Variants in PCLO observed in about 807,000 individuals in gnomAD.
The protein encoded by PCLO is piccolo presynaptic cytomatrix protein.
In PCLO, 82 loss-of-function variants were observed where a neutral mutation model predicts 427.5. The ratio of observed to expected loss-of-function variants is 0.19; its 90% CI spans 0.16 to 0.23. The LOEUF (loss-of-function observed/expected upper bound fraction) is 0.23. PCLO is among the 10% of genes least tolerant of loss of function. The pLI is 1.00. For missense variants in PCLO, 6,239 were observed against 6,115.9 expected (o/e 1.02, Z -0.67); for synonymous variants, 2,357 against 2,155.4 (o/e 1.09, Z -2.59).
At chr7:83,023,445 T>C (rs1788395117) in intron 3 of PCLO, among the ~76,000 whole-genome samples, 1 of 152,192 alleles carries the variant, frequency 6.6e-6, no homozygotes, top group Non-Finnish European at 1.5e-5. Flanking sequence ...CCACATACTC[T>C]CCCATCTGAA....
At chr7:82,975,612 C>T (rs561382932) in intron 3 of PCLO, among the ~76,000 whole-genome samples, 1 of 152,256 alleles carries the variant, frequency 6.6e-6, no homozygotes, top group Admixed American at 6.5e-5. Flanking sequence ...AGGGTGTAAA[C>T]TTGTCTAGGT....
chr7:82,800,837 G>A (rs7784031), intron 22 of PCLO, among the ~76,000 whole-genome samples: 52,651 of 151,566 alleles, frequency 0.35, 9,562 homozygotes, highest in African/African-American at 0.42. Flanking sequence ...TGCCCACCTC[G>A]GCCTCCCAAA....
chr7:83,020,296 C>G (rs570831512), intron 3 of PCLO, among the ~76,000 whole-genome samples: 35 of 152,168 alleles, frequency 2.3e-4, no homozygotes, highest in African/African-American at 8.2e-4. Flanking sequence ...GCAGAATTTG[C>G]TGACACTTGA....
At chr7:82,769,112 T>G (rs777797560) in intron 22 of PCLO, among the ~76,000 whole-genome samples, 47 of 152,176 alleles carry the variant, frequency 3.1e-4, no homozygotes, top group Non-Finnish European at 5.0e-4. Context: ...TGAATAAGAT[T>G]GCGAAAACAC....
chr7:82,876,443 C>T (rs1793371546), intron 10 of PCLO, among the ~76,000 whole-genome samples: 2 of 130,138 alleles, frequency 1.5e-5, no homozygotes, highest in Non-Finnish European at 3.2e-5. Context: ...GAACTATAGA[C>T]AAAAACAAGT....
intron 3 of PCLO, among the ~76,000 whole-genome samples, chr7:83,124,956 G>A (rs1348597525): frequency 2.6e-5 from 4 of 152,108 alleles, no homozygotes; most frequent in East Asian, 1.9e-4. Context: ...CGGTTTCGCC[G>A]TGTTGGCCGG....
intron 9 of PCLO, chr7:82,879,745 A>G (rs1793457288): frequency 4.5e-6 from 2 of 441,088 alleles, no homozygotes; most frequent in Non-Finnish European, 8.5e-6. Context: ...CCAATTTTTG[A>G]CTAGGTATTT....
At chr7:82,792,752 T>A (rs1791132051) in intron 22 of PCLO, among the ~76,000 whole-genome samples, 1 of 152,202 alleles carries the variant, frequency 6.6e-6, no homozygotes, top group South Asian at 2.1e-4. Context: ...TTATTTTTTT[T>A]AAATCTGTTT....
intron 3 of PCLO, among the ~76,000 whole-genome samples, chr7:83,123,584 T>C (rs372708668): frequency 1.3e-5 from 2 of 152,086 alleles, no homozygotes; most frequent in Non-Finnish European, 2.9e-5. Context: ...TCTTGAGCAA[T>C]ACCTCAAAAG....
At chr7:82,851,806 G>A (rs1319476884) in intron 10 of PCLO, among the ~76,000 whole-genome samples, 3 of 152,102 alleles carry the variant, frequency 2.0e-5, no homozygotes, top group Non-Finnish European at 4.4e-5. Flanking sequence ...CATCTCCCCT[G>A]GCGGACTCAA....
intron 3 of PCLO, among the ~76,000 whole-genome samples, chr7:83,085,875 T>C (rs1202109961): frequency 1.3e-5 from 2 of 152,194 alleles, no homozygotes; most frequent in African/African-American, 2.4e-5. Context: ...TAAAATACCA[T>C]TAGCAATATT....
At chr7:83,071,263 T>G (rs185395030) in intron 3 of PCLO, among the ~76,000 whole-genome samples, 183 of 152,330 alleles carry the variant, frequency 1.2e-3, no homozygotes, top group South Asian at 5.2e-3. Context: ...TCTGCCTCTA[T>G]GAATATGTGT....
At chr7:82,899,844 T>C (rs1490352787) in intron 9 of PCLO, among the ~76,000 whole-genome samples, 1 of 151,544 alleles carries the variant, frequency 6.6e-6, no homozygotes, top group African/African-American at 2.4e-5. Context: ...GAATAATTCT[T>C]AATATAGCGT....
intron 3 of PCLO, among the ~76,000 whole-genome samples, chr7:82,974,584 T>C (rs1795975227): frequency 6.6e-6 from 1 of 152,138 alleles, no homozygotes; most frequent in South Asian, 2.1e-4. Flanking sequence ...GTTCATAGCA[T>C]TTTTTGTGAT....
At chr7:82,898,525 T>A (rs938193315) in intron 9 of PCLO, among the ~76,000 whole-genome samples, 2 of 151,420 alleles carry the variant, frequency 1.3e-5, no homozygotes, top group Admixed American at 6.6e-5. Context: ...TTCATAGTAG[T>A]TTTACTATCA....
chr7:83,079,439 G>C (rs754197111), intron 3 of PCLO, among the ~76,000 whole-genome samples: 11 of 150,832 alleles, frequency 7.3e-5, no homozygotes, highest in Non-Finnish European at 1.2e-4. Context: ...GAACCATTGA[G>C]GGGGAGGAGA....
At chr7:83,120,040 A>G (rs2116557003) in intron 3 of PCLO, among the ~76,000 whole-genome samples, 1 of 152,156 alleles carries the variant, frequency 6.6e-6, no homozygotes, top group Admixed American at 6.5e-5. Context: ...TCTAGAAAAC[A>G]GTCTCAACAG....
chr7:82,904,862 T>C (rs1477036212), intron 8 of PCLO, among the ~76,000 whole-genome samples: 1 of 152,072 alleles, frequency 6.6e-6, no homozygotes, highest in African/African-American at 2.4e-5. Flanking sequence ...TTTCAGAGAC[T>C]GTCTACCCTG....
chr7:83,036,164 C>A (rs1788788647), intron 3 of PCLO, among the ~76,000 whole-genome samples: 1 of 152,106 alleles, frequency 6.6e-6, no homozygotes, highest in African/African-American at 2.4e-5. Flanking sequence ...TGTGAGGTGA[C>A]CCTCAAATCT....
Sources: gnomAD v4.1 joint callset for allele counts (sites outside exome capture counted in the v4.1 genomes callset) on GRCh38, gnomAD v4.1.1 for gene constraint, MANE v1.5 for transcripts, NCBI Gene and HGNC (gene_info 2026-07-23, HGNC 2026-07-21) for gene names.